The following KCNC2 variants were observed in gnomAD, a reference collection of about 807,000 sequenced individuals.
The protein encoded by KCNC2 is voltage-gated potassium channel KCNC2.
A neutral mutation model predicts 44.5 loss-of-function variants in KCNC2; 21 were observed. That is an observed-to-expected ratio of 0.47 (90% CI 0.33 to 0.68). The LOEUF is 0.68. Among genes scored for constraint, KCNC2 ranks in the 30% least tolerant of loss-of-function variants. The pLI, the probability that KCNC2 is intolerant of heterozygous loss-of-function variation, is 0.01. For synonymous variants in KCNC2, 391 were observed against 339.1 expected, an observed-to-expected ratio of 1.15 and a Z score of -1.68; for missense variants, 589 against 826.2, an observed-to-expected ratio of 0.71 and a Z score of 3.52.
chr12:75,138,790 T>C (rs979812632), intron 2 of KCNC2, among the ~76,000 whole-genome samples: 1 of 151,614 alleles, frequency 6.6e-6, no homozygotes, highest in Admixed American at 6.6e-5. Context: ...ACCATCCTGG[T>C]TAACACGGTG....
chr12:75,069,129 C>CTTTTTTTTTTTT (rs1158151551), intron 2 of KCNC2, among the ~76,000 whole-genome samples: 6,115 of 63,612 alleles, frequency 0.096, 1,968 homozygotes, highest in Admixed American at 0.16. Context: ...TTTATATAAT[C>CTTTTTTTTTTTT]TTTTTTTTTT....
intron 2 of KCNC2, among the ~76,000 whole-genome samples, chr12:75,069,151 T>TTTTTTTTTTTTGAA (rs869250638): frequency 7.0e-6 from 1 of 142,670 alleles, no homozygotes; most frequent in Non-Finnish European, 1.5e-5. Context: ...TTTTTTTTTT[T>TTTTTTTTTTTTGAA]GAGACGGAAT....
chr12:75,168,331 A>G (rs897327026), intron 2 of KCNC2, among the ~76,000 whole-genome samples: 1 of 151,362 alleles, frequency 6.6e-6, no homozygotes, highest in African/African-American at 2.4e-5. Context: ...TAGTTATTGT[A>G]TTTAGTTCTT....
intron 2 of KCNC2, among the ~76,000 whole-genome samples, chr12:75,139,726 G>A (rs1889503167): frequency 6.6e-6 from 1 of 152,154 alleles, no homozygotes; most frequent in South Asian, 2.1e-4. Flanking sequence ...GACTTTGAAA[G>A]CATGATTTAT....
intron 2 of KCNC2, among the ~76,000 whole-genome samples, chr12:75,059,405 C>A (rs547983992): frequency 2.0e-5 from 3 of 152,008 alleles, no homozygotes; most frequent in Non-Finnish European, 4.4e-5. Context: ...CAGTGGAGTT[C>A]TCTAGAGGCT....
chr12:75,138,873 C>T (rs1167447174), intron 2 of KCNC2, among the ~76,000 whole-genome samples: 6 of 149,920 alleles, frequency 4.0e-5, no homozygotes, highest in African/African-American at 1.5e-4. Context: ...CCCAGCTACT[C>T]GGGAGGCTGA....
intron 4 of KCNC2, chr12:75,043,605 T>G: frequency 2.4e-6 from 3 of 1,239,020 alleles, no homozygotes; most frequent in Non-Finnish European, 3.1e-6. Context: ...TCAGAATGTA[T>G]TCTTGAAAAA....
At chr12:75,178,414 A>G (rs576656742) in intron 2 of KCNC2, among the ~76,000 whole-genome samples, 1 of 152,174 alleles carries the variant, frequency 6.6e-6, no homozygotes, top group South Asian at 2.1e-4. Context: ...CTCTTAATAT[A>G]ATTGACTTCA....
chr12:75,128,914 G>T (rs1382147373), intron 2 of KCNC2, among the ~76,000 whole-genome samples: 1 of 152,142 alleles, frequency 6.6e-6, no homozygotes, highest in Non-Finnish European at 1.5e-5. Flanking sequence ...CATTTCAATT[G>T]ATATTGATCC....
At chr12:75,143,391 T>G (rs1245838959) in intron 2 of KCNC2, among the ~76,000 whole-genome samples, 1 of 152,208 alleles carries the variant, frequency 6.6e-6, no homozygotes, top group African/African-American at 2.4e-5. Flanking sequence ...CACCTGCTGC[T>G]ACAACTTCTC....
At chr12:75,062,863 G>C (rs187270838) in intron 2 of KCNC2, among the ~76,000 whole-genome samples, 1 of 151,904 alleles carries the variant, frequency 6.6e-6, no homozygotes, top group East Asian at 1.9e-4. Context: ...AAAGTGCCTC[G>C]TTTTCACATG....
chr12:75,184,472 C>T (rs936096638), intron 2 of KCNC2, among the ~76,000 whole-genome samples: 1 of 152,058 alleles, frequency 6.6e-6, no homozygotes, highest in East Asian at 1.9e-4. Flanking sequence ...TCTATGCCTT[C>T]TGTGTGAAGT....
chr12:75,185,327 A>G (rs1892864972), intron 2 of KCNC2, among the ~76,000 whole-genome samples: 1 of 152,186 alleles, frequency 6.6e-6, no homozygotes, highest in African/African-American at 2.4e-5. Context: ...CTATGGTTTG[A>G]AAGTGCCCCT....
At chr12:75,068,278 C>A (rs897940755) in intron 2 of KCNC2, among the ~76,000 whole-genome samples, 3 of 152,146 alleles carry the variant, frequency 2.0e-5, no homozygotes, top group Admixed American at 1.3e-4. Flanking sequence ...TTAAGTGGGG[C>A]AGTGACAAAA....
chr12:75,169,506 A>G (rs1182074918), intron 2 of KCNC2, among the ~76,000 whole-genome samples: 1 of 151,566 alleles, frequency 6.6e-6, no homozygotes, highest in Non-Finnish European at 1.5e-5. Flanking sequence ...GTATAATAAG[A>G]TTACTATGTC....
At chr12:75,150,304 A>T (rs1031609658) in intron 2 of KCNC2, among the ~76,000 whole-genome samples, 9 of 151,834 alleles carry the variant, frequency 5.9e-5, no homozygotes, top group Admixed American at 3.3e-4. Flanking sequence ...AACACACTTT[A>T]TCTTTTTCAA....
chr12:75,131,262 A>C (rs940632134), intron 2 of KCNC2, among the ~76,000 whole-genome samples: 1 of 152,226 alleles, frequency 6.6e-6, no homozygotes. Context: ...AAAAAAGTAC[A>C]TATGAACTTT....
At chr12:75,072,459 G>T (rs1184982426) in intron 2 of KCNC2, among the ~76,000 whole-genome samples, 1 of 152,062 alleles carries the variant, frequency 6.6e-6, no homozygotes, top group Non-Finnish European at 1.5e-5. Flanking sequence ...TTAGAAATAT[G>T]TCTCAGACCT....
intron 2 of KCNC2, among the ~76,000 whole-genome samples, chr12:75,149,773 G>A (rs1428193066): frequency 2.6e-5 from 4 of 151,310 alleles, no homozygotes; most frequent in Non-Finnish European, 5.9e-5. Flanking sequence ...ATAAAAGGAA[G>A]ATAATAAAAA....
Sources: allele counts gnomAD v4.1 joint callset (sites outside exome capture counted in the v4.1 genomes callset), GRCh38; gene constraint gnomAD v4.1.1; transcripts MANE v1.5; gene names NCBI Gene and HGNC (gene_info 2026-07-23, HGNC 2026-07-21).